Variants in DST observed in about 807,000 individuals in gnomAD.
DST encodes the protein dystonin, also known as bullous pemphigoid antigen.
DST carries 253 observed loss-of-function variants against 875.2 expected under a neutral mutation model. That is an observed-to-expected ratio of 0.29 (90% CI 0.26 to 0.32). The LOEUF (loss-of-function observed/expected upper bound fraction) is 0.32, where lower values mean the gene tolerates loss of function less well. DST is among the 10% of genes least tolerant of loss of function. The probability of loss-of-function intolerance (pLI) is 1.00; values close to 1 mark genes in which losing one functional copy is unlikely to be tolerated. For synonymous variants in DST, 3,124 were observed against 3,197.1 expected, an observed-to-expected ratio of 0.98 and a Z score of 0.77; for missense variants, 8,287 against 9,111.6, an observed-to-expected ratio of 0.91 and a Z score of 3.68.
chr6:56,855,401 A>T (rs190324219), intron 3 of DST, among the ~76,000 whole-genome samples: 2 of 152,348 alleles, frequency 1.3e-5, no homozygotes, highest in Admixed American at 1.3e-4. Flanking sequence ...TTTACGGAAG[A>T]TTAATAAAAA....
At chr6:56,827,241 C>T (rs1230478711) in intron 4 of DST, among the ~76,000 whole-genome samples, 1 of 152,066 alleles carries the variant, frequency 6.6e-6, no homozygotes, top group South Asian at 2.1e-4. Context: ...CAGGGCCGGG[C>T]GCGGTGGCTC....
intron 9 of DST, among the ~76,000 whole-genome samples, chr6:56,677,136 T>TA (rs1424018962): frequency 6.6e-6 from 1 of 152,166 alleles, no homozygotes; most frequent in South Asian, 2.1e-4. Context: ...TTTGTCAATT[T>TA]AAAAAAACTT....
chr6:56,555,987 A>C, intron 59 of DST, 147 bp from the exon 60 acceptor site: 2 of 783,124 alleles, frequency 2.6e-6, no homozygotes, highest in Non-Finnish European at 3.8e-6. Flanking sequence ...CTTAAAGGGC[A>C]GTACAATTCT....
At position 56,458,794 on chromosome 6, in the gene DST, C is replaced by G. The variant is rs932364292; in HGVS notation, c.*211G>C. 2.1e-6 allele frequency: 1 copy of G among 485,698 alleles called. No individual in the cohort carries two copies. Among genetic ancestry groups the G allele is most frequent in the African/African-American group, 2.0e-5 (1 of 51,272 alleles). 30.1% of individuals were successfully genotyped at this position (485,698 alleles called of 1,614,324 possible). Reference sequence around the variant, plus strand: ...AAATGTTAGTTCATGTTAAACTTTTCCTCCTCACATATGATGTGACTTTAA... The same window carrying G: ...AAATGTTAGTTCATGTTAAACTTTTGCTCCTCACATATGATGTGACTTTAA... On this transcript the variant is annotated 3_prime_UTR_variant, in exon 104 of 104. Coordinates refer to ENST00000680361, the MANE Select transcript of DST (RefSeq NM_001374736.1).
intron 4 of DST, among the ~76,000 whole-genome samples, chr6:56,780,256 G>C (rs374236041): frequency 2.0e-5 from 3 of 151,904 alleles, no homozygotes; most frequent in African/African-American, 7.3e-5. Context: ...TGGGATGGCT[G>C]GGTCAAATGG....
intron 10 of DST, among the ~76,000 whole-genome samples, chr6:56,662,512 C>G (rs1444122736): frequency 6.6e-6 from 1 of 152,186 alleles, no homozygotes; most frequent in Non-Finnish European, 1.5e-5. Context: ...GAAATTGCAA[C>G]TAGGTTTGCC....
At chr6:56,585,956 G>C (rs1255785866) in intron 49 of DST, among the ~76,000 whole-genome samples, 4 of 149,830 alleles carry the variant, frequency 2.7e-5, no homozygotes, top group African/African-American at 7.3e-5. Context: ...TGTGGTCTGA[G>C]AGACAGTTTG....
intron 8 of DST, among the ~76,000 whole-genome samples, chr6:56,701,231 T>A (rs2099303703): frequency 6.6e-6 from 1 of 152,052 alleles, no homozygotes; most frequent in East Asian, 1.9e-4. Context: ...TCTCCTGCAT[T>A]TTTTTGTACT....
Position 56,608,545 on chromosome 6 carries a change from T to C in DST, c.6083A>G (p.Gln2028Arg), listed in dbSNP as rs1278488473. 2.5e-6 allele frequency: 4 copies of C among 1,613,416 alleles called. No individual in the cohort carries two copies. The Admixed American group carries it at 6.7e-5, about 27-fold the overall frequency. The change falls in exon 40 of 104, where the codon CAG becomes CGG. Residue 2028 changes from glutamine (Q) to arginine (R), a missense_variant. Physicochemically the swap from Gln to Arg is conservative, Grantham distance 43 (BLOSUM62 1). This residue lies in a region of DST where 3,138 missense variants were observed against 3,116.6 expected (regional missense o/e 1.01). Coordinates refer to ENST00000680361, the MANE Select transcript of DST (RefSeq NM_001374736.1). Reference protein sequence around the residue: ...RDTASSILTYQVQTGGIIQSN... With the variant: ...RDTASSILTYRVQTGGIIQSN... Reference sequence around the variant, plus strand: ...CTGGATGATTCCACCAGTTTGAACCTGATATGTGAGGATACTGCTAGCAGT... The same window carrying C: ...CTGGATGATTCCACCAGTTTGAACCCGATATGTGAGGATACTGCTAGCAGT...
intron 77 of DST, among the ~76,000 whole-genome samples, chr6:56,504,416 GT>G (rs2096247879): frequency 6.6e-6 from 1 of 152,072 alleles, no homozygotes; most frequent in African/African-American, 2.4e-5. Context: ...TTCATTACAT[GT>G]GCTTAAAAGG....
At chr6:56,546,058 G>A (rs1409178598) in intron 61 of DST, among the ~76,000 whole-genome samples, 1 of 151,796 alleles carries the variant, frequency 6.6e-6, no homozygotes, top group African/African-American at 2.4e-5. Flanking sequence ...TTATTTCATG[G>A]GAATACAGTT....
At position 56,497,372 on chromosome 6, in the gene DST, T is replaced by C; in HGVS notation, c.20223+7A>G. On this transcript the variant is annotated splice_region_variant and intron_variant, in intron 82 of 103. Transcript: ENST00000680361. Reference sequence around the variant, plus strand: ...GAGGCTAAAGCTGTAGGAAATACTTTGCTTACCATATGGACATTAAGCTGC... The same window carrying C: ...GAGGCTAAAGCTGTAGGAAATACTTCGCTTACCATATGGACATTAAGCTGC... 3 of 1,611,786 alleles carry C rather than the reference T, an allele frequency of 1.9e-6. No individual in the cohort carries two copies. The highest frequency in any genetic ancestry group is 2.5e-6 in the Non-Finnish European group (3 of 1,178,314).
intron 15 of DST, 186 bp from the exon 16 acceptor site, chr6:56,642,689 C>T: frequency 6.2e-7 from 1 of 1,614,112 alleles, no homozygotes; most frequent in Non-Finnish European, 8.5e-7. Context: ...CCACAATGAA[C>T]CAAGAGAAGA....
At position 56,632,962 on chromosome 6, in the gene DST, C is replaced by G. The variant is rs1048178167; in HGVS notation, c.3697G>C (p.Asp1233His). 4 of 1,613,962 alleles carry G rather than the reference C, an allele frequency of 2.5e-6. No individual in the cohort carries two copies. Among genetic ancestry groups the G allele is most frequent in the Non-Finnish European group, 3.4e-6 (4 of 1,179,920 alleles). The change falls in exon 28 of 104, where the codon GAT (aspartate) becomes CAT (histidine). Residue 1233 changes from aspartate (D) to histidine (H), a missense_variant. Asp to His is a moderately conservative substitution (Grantham distance 81, BLOSUM62 -1). Coordinates refer to ENST00000680361, the MANE Select transcript of DST (RefSeq NM_001374736.1). ...GAAAAGACTTGGGATTCCTGGCTAT[C>G]TTCCAGAAAATCTTCAAAACGAGAT... ...LQSRFEDFLE[D>H]SQESQVFSGS... is the part of the protein sequence containing the mutation.
At chr6:56,501,043 CA>C in intron 80 of DST, 36 bp downstream of exon 80, 10 of 1,593,728 alleles carry the variant, frequency 6.3e-6, no homozygotes, top group Non-Finnish European at 8.5e-6. Flanking sequence ...TAGAAATGGA[CA>C]GAGAAGAAAC....
intron 36 of DST, chr6:56,614,900 A>G: frequency 1.0e-6 from 1 of 992,276 alleles, no homozygotes. Flanking sequence ...AAATACACAG[A>G]ATGAAGAAAA....
In DST at chr6:56,615,484, T is replaced by A. The variant is rs537510767; in HGVS notation, c.4930-1000A>T. On this transcript the variant is annotated intron_variant, in intron 36 of 103. Coordinates refer to ENST00000680361, the MANE Select transcript of DST (RefSeq NM_001374736.1). The stretch of plus-strand genomic sequence containing the variant: ...AAAAAGTGGCATGAACCAGCCTGCA[T>A]CACCCCTTGCACAGTTATTTAAACA... 209 of 1,613,684 alleles carry A rather than the reference T, an allele frequency of 1.3e-4. 2 individuals are homozygous for A. The South Asian group carries it at 2.2e-3, about 17-fold the overall frequency.
chr6:56,736,037 G>GT (rs560039474), intron 4 of DST, among the ~76,000 whole-genome samples: 220 of 139,616 alleles, frequency 1.6e-3, no homozygotes, highest in African/African-American at 5.8e-3. Flanking sequence ...TTTTTTGTTT[G>GT]TTTTTTTTGT....
At chr6:56,581,318 G>C (rs1055993492) in intron 49 of DST, among the ~76,000 whole-genome samples, 2 of 151,976 alleles carry the variant, frequency 1.3e-5, no homozygotes, top group Non-Finnish European at 2.9e-5. Context: ...ATATATAAGT[G>C]ATGGGGAGAG....
Sources: gnomAD v4.1 joint callset for allele counts (sites outside exome capture counted in the v4.1 genomes callset) on GRCh38, gnomAD v4.1.1 for gene constraint, gnomAD v4.1.1 regional missense constraint, MANE v1.5 for transcripts, NCBI Gene and HGNC (gene_info 2026-07-23, HGNC 2026-07-21) for gene names.